FOXN3: variants seen among roughly 807,000 people sequenced by gnomAD.
FOXN3 encodes the protein forkhead box N3, also known as forkhead box protein N3.
In FOXN3, 7 loss-of-function variants were observed where a neutral mutation model predicts 38.4. The ratio of observed to expected loss-of-function variants is 0.18; its 90% CI spans 0.10 to 0.34. FOXN3 has a LOEUF of 0.34. Among genes scored for constraint, FOXN3 ranks in the 10% least tolerant of loss-of-function variants. The probability of loss-of-function intolerance (pLI) is 1.00; values close to 1 mark genes in which losing one functional copy is unlikely to be tolerated. For missense variants in FOXN3, 456 were observed against 613.4 expected (o/e 0.74, Z 2.71); for synonymous variants, 230 against 242.2 (o/e 0.95, Z 0.47).
chr14:89,442,315 C>T (rs1218114655), intron 1 of FOXN3, among the ~76,000 whole-genome samples: 2 of 152,106 alleles, frequency 1.3e-5, no homozygotes, highest in East Asian at 1.9e-4. Flanking sequence ...CACTTTCAGG[C>T]AGTAATAGTT....
At chr14:89,611,543 A>G (rs1896387373) in intron 1 of FOXN3, among the ~76,000 whole-genome samples, 2 of 152,340 alleles carry the variant, frequency 1.3e-5, no homozygotes, top group South Asian at 2.1e-4. Flanking sequence ...GCGGTGGCTC[A>G]CGCCTGTAAT....
chr14:89,526,760 A>G (rs555346566), intron 1 of FOXN3, among the ~76,000 whole-genome samples: 31 of 152,296 alleles, frequency 2.0e-4, no homozygotes, highest in South Asian at 6.2e-4. Context: ...GACAATTCAT[A>G]TGTAAGTACA....
At chr14:89,237,240 C>T (rs1355661001) in intron 4 of FOXN3, among the ~76,000 whole-genome samples, 1 of 152,312 alleles carries the variant, frequency 6.6e-6, no homozygotes, top group South Asian at 2.1e-4. Context: ...GATACCCCTT[C>T]AACATTATTA....
chr14:89,568,385 A>T (rs1895411098), intron 1 of FOXN3, among the ~76,000 whole-genome samples: 1 of 152,234 alleles, frequency 6.6e-6, no homozygotes. Context: ...CATGAGAGCT[A>T]GAATAAACCT....
At chr14:89,359,187 T>C (rs1314866270) in intron 2 of FOXN3, among the ~76,000 whole-genome samples, 5 of 151,904 alleles carry the variant, frequency 3.3e-5, no homozygotes, top group Non-Finnish European at 7.4e-5. Flanking sequence ...TCCCAGCTAC[T>C]TGGGAGGCTG....
At chr14:89,338,045 G>C (rs1407012257) in intron 3 of FOXN3, among the ~76,000 whole-genome samples, 1 of 152,192 alleles carries the variant, frequency 6.6e-6, no homozygotes, top group Non-Finnish European at 1.5e-5. Context: ...GCCTGTCTTA[G>C]GCTTGAAGAA....
intron 2 of FOXN3, among the ~76,000 whole-genome samples, chr14:89,395,179 A>T (rs539285517): frequency 6.6e-6 from 1 of 152,364 alleles, no homozygotes; most frequent in South Asian, 2.1e-4. Flanking sequence ...ACTGATGCTC[A>T]TGTGTCTAAC....
chr14:89,223,818 A>G (rs1480110369), intron 4 of FOXN3, among the ~76,000 whole-genome samples: 1 of 152,194 alleles, frequency 6.6e-6, no homozygotes, highest in Non-Finnish European at 1.5e-5. Context: ...CCCCAGGAAC[A>G]TTTAGAATAA....
intron 1 of FOXN3, among the ~76,000 whole-genome samples, chr14:89,445,421 C>T (rs28372021): frequency 0.024 from 3,682 of 152,300 alleles, 45 homozygotes; most frequent in African/African-American, 0.039. Context: ...AGGCCAGGTA[C>T]ACCAATCATG....
intron 3 of FOXN3, among the ~76,000 whole-genome samples, chr14:89,292,543 G>C (rs1886908842): frequency 6.6e-6 from 1 of 152,196 alleles, no homozygotes; most frequent in African/African-American, 2.4e-5. Context: ...CCTTCCTCAT[G>C]AACGGGATTA....
At chr14:89,556,285 C>T (rs553110587) in intron 1 of FOXN3, among the ~76,000 whole-genome samples, 52 of 152,158 alleles carry the variant, frequency 3.4e-4, no homozygotes, top group Non-Finnish European at 6.6e-4. Flanking sequence ...TGCCTGTAAT[C>T]CCACCTACTC....
intron 2 of FOXN3, among the ~76,000 whole-genome samples, chr14:89,393,451 C>T (rs559793622): frequency 6.6e-6 from 1 of 152,340 alleles, no homozygotes; most frequent in South Asian, 2.1e-4. Flanking sequence ...CACAAGACAT[C>T]CAGCCACAGG....
chr14:89,557,691 T>A lies in FOXN3; in HGVS notation c.-15+61337A>T, dbSNP rs117325223. On this transcript the variant is annotated intron_variant, in intron 1 of 6. Coordinates refer to the FOXN3 transcript ENST00000345097. Reference sequence around the variant, plus strand: ...TTTCTGACACCACACAGAGAAGAGGTGGGTCTCATGTTATGCAAGAATGAG... The same window carrying A: ...TTTCTGACACCACACAGAGAAGAGGAGGGTCTCATGTTATGCAAGAATGAG... 2.0e-5 allele frequency among the ~76,000 whole-genome samples: 3 copies of A among 152,066 alleles called. No homozygotes were observed. In the East Asian group the frequency reaches 5.8e-4, roughly 29 times the overall value.
intron 5 of FOXN3, among the ~76,000 whole-genome samples, chr14:89,165,138 C>T (rs1437573664): frequency 6.6e-6 from 1 of 152,132 alleles, no homozygotes; most frequent in Non-Finnish European, 1.5e-5. Flanking sequence ...CAGAAGGGTC[C>T]CAGCTTGTGT....
intron 1 of FOXN3, among the ~76,000 whole-genome samples, chr14:89,518,080 T>C (rs1038043915): frequency 6.6e-6 from 1 of 152,162 alleles, no homozygotes; most frequent in Non-Finnish European, 1.5e-5. Context: ...GCCTTGTGGT[T>C]AAACAACCCT....
At chr14:89,392,182 G>C (rs1463838658) in intron 2 of FOXN3, among the ~76,000 whole-genome samples, 1 of 152,204 alleles carries the variant, frequency 6.6e-6, no homozygotes, top group Non-Finnish European at 1.5e-5. Context: ...GGAGACCTGA[G>C]TTCTGGATCC....
chr14:89,431,761 C>A (rs1892163635), intron 1 of FOXN3, among the ~76,000 whole-genome samples: 2 of 152,284 alleles, frequency 1.3e-5, no homozygotes, highest in South Asian at 4.1e-4. Flanking sequence ...GTTGCCCAGG[C>A]TGGAGTGCAA....
intron 1 of FOXN3, among the ~76,000 whole-genome samples, chr14:89,432,194 A>T (rs962541571): frequency 6.6e-6 from 1 of 152,196 alleles, no homozygotes; most frequent in East Asian, 1.9e-4. Context: ...TTTGAAACTA[A>T]GCCAAATGTC....
chr14:89,451,305 T>C (rs149326965), intron 1 of FOXN3, among the ~76,000 whole-genome samples: 79 of 152,248 alleles, frequency 5.2e-4, no homozygotes, highest in African/African-American at 1.8e-3. Flanking sequence ...ATGTGACTGG[T>C]TACAAAGGTA....
Sources: gnomAD v4.1 joint callset for allele counts (sites outside exome capture counted in the v4.1 genomes callset) on GRCh38, gnomAD v4.1.1 for gene constraint, MANE v1.5 for transcripts, NCBI Gene and HGNC (gene_info 2026-07-23, HGNC 2026-07-21) for gene names.